The following GABRA3 variants were observed in gnomAD, a reference collection of about 807,000 sequenced individuals.
GABRA3 encodes gamma-aminobutyric acid type A receptor subunit alpha3, also known as gamma-aminobutyric acid receptor subunit alpha-3.
GABRA3 carries 10 observed loss-of-function variants against 30.1 expected under a neutral mutation model. That is an observed-to-expected ratio of 0.33 (90% CI 0.20 to 0.56). The LOEUF is 0.56. Among genes scored for constraint, GABRA3 ranks in the 20% least tolerant of loss-of-function variants. GABRA3 has a pLI of 0.89. For synonymous variants in GABRA3, 151 were observed against 146.8 expected (o/e 1.03, Z -0.21); for missense variants, 233 against 392.0 (o/e 0.59, Z 3.42).
At chrX:152,281,101 T>C (rs758796357) in intron 4 of GABRA3, among the ~76,000 whole-genome samples, 1 of 111,046 alleles carries the variant, frequency 9.0e-6, no homozygotes, top group South Asian at 3.9e-4. Flanking sequence ...TTGGACCAGA[T>C]AGAAGAGCAG....
At chrX:152,359,661 A>G (rs1255610706) in intron 2 of GABRA3, among the ~76,000 whole-genome samples, 1 of 110,162 alleles carries the variant, frequency 9.1e-6, no homozygotes, top group Non-Finnish European at 1.9e-5. Flanking sequence ...TTAATTTGAG[A>G]TCTGTGTAAC....
intron 5 of GABRA3, among the ~76,000 whole-genome samples, chrX:152,241,077 C>T (rs1403611271): frequency 4.6e-5 from 5 of 109,622 alleles, no homozygotes; most frequent in East Asian, 2.9e-4. Context: ...AGGCGCTCTG[C>T]GTTTTAGAGT....
rs186823782 is a variant in GABRA3 at position 152,318,860 on chromosome X, G to A, written c.262+26721C>T. 3.0e-4 allele frequency among the ~76,000 whole-genome samples: 33 copies of A among 111,571 alleles called. No individual in the cohort carries two copies. The East Asian group carries it at 8.5e-3, about 29-fold the overall frequency. On this transcript the variant is annotated intron_variant, in intron 3 of 9. Transcript: ENST00000370314. ...CCTCAATGTAATAAAAGCCATCAAT[G>A]ACAAACCCACAGCCAAAATAATACT...
chrX:152,182,466 G>A (rs1175237954), intron 9 of GABRA3, among the ~76,000 whole-genome samples: 4 of 84,021 alleles, frequency 4.8e-5, no homozygotes, highest in Non-Finnish European at 6.8e-5. Context: ...GTGTATATAT[G>A]TACACTATAT....
intron 5 of GABRA3, among the ~76,000 whole-genome samples, chrX:152,235,744 G>T (rs1020076357): frequency 9.0e-6 from 1 of 111,157 alleles, no homozygotes; most frequent in Non-Finnish European, 1.9e-5. Flanking sequence ...TTGTGTTCAT[G>T]GATTGAAAGA....
chrX:152,224,203 G>A (rs901962238), intron 6 of GABRA3, among the ~76,000 whole-genome samples: 4 of 111,860 alleles, frequency 3.6e-5, no homozygotes, highest in African/African-American at 1.3e-4. Flanking sequence ...TCTATTCAAT[G>A]TTGATTTTTC....
At chrX:152,289,673 C>G (rs1264124054) in intron 3 of GABRA3, among the ~76,000 whole-genome samples, 2 of 110,387 alleles carry the variant, frequency 1.8e-5, no homozygotes, top group East Asian at 5.8e-4. Context: ...CCCTGCCCCC[C>G]ACCCCACGAC....
intron 2 of GABRA3, among the ~76,000 whole-genome samples, chrX:152,363,048 A>G (rs1017578163): frequency 8.9e-6 from 1 of 111,967 alleles, no homozygotes; most frequent in Non-Finnish European, 1.9e-5. Context: ...AGAGAAGTCT[A>G]GAATGAAGAT....
intron 4 of GABRA3, among the ~76,000 whole-genome samples, chrX:152,269,276 TCTAA>T (rs1346526207): frequency 9.0e-5 from 10 of 111,357 alleles, no homozygotes; most frequent in African/African-American, 3.3e-4. Context: ...TAAAAATCAA[TCTAA>T]CTCAAAAATA....
chrX:152,317,319 A>G (rs370825762), intron 3 of GABRA3, among the ~76,000 whole-genome samples: 1 of 111,869 alleles, frequency 8.9e-6, no homozygotes, highest in Admixed American at 9.5e-5. Flanking sequence ...AAATTTATAA[A>G]ACGATTACTA....
chrX:152,304,786 TTTGTTG>T (rs758907391), intron 3 of GABRA3, among the ~76,000 whole-genome samples: 1 of 111,807 alleles, frequency 8.9e-6, no homozygotes, highest in African/African-American at 3.3e-5. Flanking sequence ...AGACTGTTTT[TTTGTTG>T]TTGTTGTTGT....
At chrX:152,199,156 G>A (rs1211408205) in intron 7 of GABRA3, among the ~76,000 whole-genome samples, 44 of 110,622 alleles carry the variant, frequency 4.0e-4, no homozygotes, top group Non-Finnish European at 4.9e-4. Flanking sequence ...TACGAGGTCA[G>A]GAGATCGAGA....
intron 8 of GABRA3, among the ~76,000 whole-genome samples, chrX:152,196,314 T>C (rs1603206054): frequency 2.9e-5 from 3 of 104,630 alleles, no homozygotes; most frequent in African/African-American, 1.0e-4. Context: ...GGAGAATCGC[T>C]TGAACCTGAG....
At chrX:152,192,576 C>T (rs559975284) in intron 8 of GABRA3, among the ~76,000 whole-genome samples, 1 of 111,307 alleles carries the variant, frequency 9.0e-6, no homozygotes, top group African/African-American at 3.3e-5. Flanking sequence ...TTCTCCAACA[C>T]TGCTAACTGT....
chrX:152,213,554 A>G (rs1479826029), intron 6 of GABRA3, among the ~76,000 whole-genome samples: 1 of 111,501 alleles, frequency 9.0e-6, no homozygotes, highest in African/African-American at 3.3e-5. Context: ...GATGGAAAAC[A>G]TTTCAGGCCA....
At chrX:152,213,766 T>G (rs1937666448) in intron 6 of GABRA3, among the ~76,000 whole-genome samples, 1 of 111,433 alleles carries the variant, frequency 9.0e-6, no homozygotes, top group Admixed American at 9.5e-5. Context: ...TGAAAGGAAC[T>G]TAAGTTTGGT....
chrX:152,300,178 A>C (rs1939605490), intron 3 of GABRA3, among the ~76,000 whole-genome samples: 1 of 112,708 alleles, frequency 8.9e-6, no homozygotes, highest in Non-Finnish European at 1.9e-5. Flanking sequence ...CCTGAGTAGT[A>C]CAAGTATGGT....
chrX:152,168,904 G>A (rs17320297), intron 9 of GABRA3, among the ~76,000 whole-genome samples: 3,233 of 112,023 alleles, frequency 0.029, 54 homozygotes, highest in Non-Finnish European at 0.033. Context: ...GCTAGAAATC[G>A]CCAATAAACT....
chrX:152,172,892 A>G (rs1937020562), intron 9 of GABRA3, among the ~76,000 whole-genome samples: 1 of 110,299 alleles, frequency 9.1e-6, no homozygotes, highest in Non-Finnish European at 1.9e-5. Flanking sequence ...GAATGTATTT[A>G]ACAGGACTGA....
Sources: allele counts gnomAD v4.1 joint callset (sites outside exome capture counted in the v4.1 genomes callset), GRCh38; gene constraint gnomAD v4.1.1; transcripts MANE v1.5; gene names NCBI Gene and HGNC (gene_info 2026-07-23, HGNC 2026-07-21).